PKIG: variants seen among roughly 807,000 people sequenced by gnomAD.
The protein encoded by PKIG is protein kinase (cAMP-dependent, catalytic) inhibitor gamma.
Under a neutral mutation model 6.8 loss-of-function variants are expected in PKIG, and 1 was observed. The ratio of observed to expected loss-of-function variants is 0.15; its 90% CI spans 0.05 to 0.69. The LOEUF (loss-of-function observed/expected upper bound fraction) is 0.69. Among genes scored for constraint, PKIG ranks in the 30% least tolerant of loss-of-function variants. The probability of loss-of-function intolerance (pLI) is 0.82; values close to 1 mark genes in which losing one functional copy is unlikely to be tolerated. For missense variants in PKIG, 77 were observed against 104.0 expected, an observed-to-expected ratio of 0.74 and a Z score of 1.13; for synonymous variants, 39 against 43.0, an observed-to-expected ratio of 0.91 and a Z score of 0.36.
intron 1 of PKIG, among the ~76,000 whole-genome samples, chr20:44,574,215 T>G (rs2064876680): frequency 6.6e-6 from 1 of 152,210 alleles, no homozygotes; most frequent in Admixed American, 6.5e-5. Context: ...AAAAACCATC[T>G]GTTCCCTGCC....
intron 1 of PKIG, among the ~76,000 whole-genome samples, chr20:44,563,750 A>G (rs2064787595): frequency 2.0e-5 from 3 of 152,016 alleles, no homozygotes; most frequent in Non-Finnish European, 4.4e-5. Context: ...AGACTGGTCT[A>G]AAACTCCTGG....
chr20:44,565,112 A>C (rs753441257), intron 1 of PKIG, among the ~76,000 whole-genome samples: 1 of 152,216 alleles, frequency 6.6e-6, no homozygotes, highest in Non-Finnish European at 1.5e-5. Context: ...ATCACTTAAA[A>C]ATTACCTTTC....
intron 3 of PKIG, among the ~76,000 whole-genome samples, chr20:44,615,080 T>A (rs2065252724): frequency 6.6e-6 from 1 of 151,828 alleles, no homozygotes; most frequent in Non-Finnish European, 1.5e-5. Context: ...CCTGTTCAGC[T>A]CTATGCAGCA....
chr20:44,592,637 A>G lies in PKIG; in HGVS notation c.-24+2771A>G, dbSNP rs151300732. Among the ~76,000 whole-genome samples the G allele has an allele frequency of 8.4e-3, 1,287 of 152,332 alleles. 6 individuals carry two copies. The highest frequency in any genetic ancestry group is 0.044 in the Middle Eastern group (13 of 294). ...GAAGCACATAGTTACTCCTTCTGCC[A>G]GAAGGCCACCCCCTAATCTGGTTTA... On this transcript the variant is annotated intron_variant, in intron 2 of 3. Transcript: ENST00000372886.
chr20:44,569,310 T>G (rs2064835293), intron 1 of PKIG, among the ~76,000 whole-genome samples: 2 of 152,256 alleles, frequency 1.3e-5, no homozygotes, highest in South Asian at 2.1e-4. Flanking sequence ...ATTTACATTA[T>G]TCAGTCCATT....
At chr20:44,611,489 A>G (rs1026435506) in intron 2 of PKIG, among the ~76,000 whole-genome samples, 6 of 150,922 alleles carry the variant, frequency 4.0e-5, no homozygotes, top group Admixed American at 2.0e-4. Context: ...GTCTCTGGTA[A>G]CCACTGTTGT....
intron 2 of PKIG, among the ~76,000 whole-genome samples, chr20:44,611,022 C>T (rs577268845): frequency 6.7e-6 from 1 of 149,034 alleles, no homozygotes; most frequent in African/African-American, 2.5e-5. Context: ...TATTCAAAAG[C>T]TTCTGTAGTT....
chr20:44,597,729 A>G (rs1370771221), intron 2 of PKIG, among the ~76,000 whole-genome samples: 4 of 152,010 alleles, frequency 2.6e-5, no homozygotes, highest in African/African-American at 9.7e-5. Context: ...CGGATGTATG[A>G]TCTAAATTTG....
At chr20:44,613,254 C>T (rs2065234964) in intron 2 of PKIG, among the ~76,000 whole-genome samples, 1 of 152,196 alleles carries the variant, frequency 6.6e-6, no homozygotes, top group South Asian at 2.1e-4. Flanking sequence ...CAAGTTCTGC[C>T]TCCCGGGTTC....
rs530642684 is a variant in PKIG, at chr20:44,541,938, C to T, written c.-241+9960C>T. On this transcript the variant is annotated intron_variant, in intron 1 of 4. Transcript: ENST00000372887. Reference sequence around the variant, plus strand: ...TCTTGACCTCAAATGATCCACCCCCCTCGGCTTCCCAAAGTGCTGGGATTA... The same window carrying T: ...TCTTGACCTCAAATGATCCACCCCCTTCGGCTTCCCAAAGTGCTGGGATTA... Among the ~76,000 whole-genome samples the T allele has an allele frequency of 2.0e-5, 3 of 152,290 alleles. 1 individual carries two copies. The highest frequency in any genetic ancestry group is 7.2e-5 in the African/African-American group (3 of 41,574).
At chr20:44,580,494 C>T (rs966600747), upstream of PKIG, among the ~76,000 whole-genome samples, 1 of 152,014 alleles carries the variant, frequency 6.6e-6, no homozygotes, top group African/African-American at 2.4e-5. Flanking sequence ...TACAGGAACA[C>T]GCCACCACGC....
intron 2 of PKIG, among the ~76,000 whole-genome samples, chr20:44,610,978 A>G (rs1600901476): frequency 6.6e-6 from 1 of 151,790 alleles, no homozygotes; most frequent in African/African-American, 2.4e-5. Flanking sequence ...TAGCATATCC[A>G]TCATCTCATG....
At chr20:44,600,143 A>C (rs244096) in intron 2 of PKIG, among the ~76,000 whole-genome samples, 2 of 151,998 alleles carry the variant, frequency 1.3e-5, no homozygotes, top group Non-Finnish European at 2.9e-5. Flanking sequence ...AAAGGCTTTG[A>C]GGTCAGGAAT....
At chr20:44,605,007 G>GA (rs74585029) in intron 2 of PKIG, among the ~76,000 whole-genome samples, 84 of 148,728 alleles carry the variant, frequency 5.6e-4, no homozygotes, top group African/African-American at 1.5e-3. Context: ...AAAACAGCCA[G>GA]AAAAAAAAAA....
intron 2 of PKIG, among the ~76,000 whole-genome samples, chr20:44,606,536 T>C (rs2123448231): frequency 6.6e-6 from 1 of 152,300 alleles, no homozygotes; most frequent in East Asian, 1.9e-4. Flanking sequence ...AGGCCAGGCA[T>C]GGTGGCTCAC....
intron 1 of PKIG, among the ~76,000 whole-genome samples, chr20:44,551,645 C>G (rs959495495): frequency 1.2e-4 from 19 of 152,168 alleles, no homozygotes; most frequent in Admixed American, 3.3e-4. Context: ...AAAAATGCCT[C>G]CCATCCCCTC....
chr20:44,562,070 CT>C (rs1271563978), intron 1 of PKIG, among the ~76,000 whole-genome samples: 1 of 152,044 alleles, frequency 6.6e-6, no homozygotes, highest in African/African-American at 2.4e-5. Flanking sequence ...GGGAAGATTG[CT>C]TGAGTTGGAG....
intron 1 of PKIG, among the ~76,000 whole-genome samples, chr20:44,536,410 G>T (rs2123125068): frequency 6.6e-6 from 1 of 152,268 alleles, no homozygotes; most frequent in African/African-American, 2.4e-5. Context: ...TCTTCTTTAG[G>T]AGGCTGGGGA....
chr20:44,544,059 C>T lies in PKIG; in HGVS notation c.-241+12081C>T, dbSNP rs551809099. Among the ~76,000 whole-genome samples, 135 of 146,274 alleles carry T rather than the reference C, an allele frequency of 9.2e-4. 1 individual carries two copies. Among genetic ancestry groups the T allele is most frequent in the African/African-American group, 3.2e-3 (128 of 39,768 alleles). On this transcript the variant is annotated intron_variant, in intron 1 of 4. Transcript: ENST00000372887. The stretch of plus-strand genomic sequence containing the variant: ...GACCTGGGCAACAAGAGCAAAACTC[C>T]GCCTCAAAAAAAAAAAAAAAAAAGA...
Sources: allele counts gnomAD v4.1 joint callset (sites outside exome capture counted in the v4.1 genomes callset), GRCh38; gene constraint gnomAD v4.1.1; transcripts MANE v1.5; gene names NCBI Gene and HGNC (gene_info 2026-07-23, HGNC 2026-07-21).